BMAL1: variants seen among roughly 807,000 people sequenced by gnomAD.
BMAL1 encodes basic helix-loop-helix ARNT like 1, also known as basic helix-loop-helix ARNT-like protein 1.
At chr11:13,370,184 C>T in the BMAL1 span, among the ~76,000 whole-genome samples, 1 of 152,060 alleles carries the variant, frequency 6.6e-6, no homozygotes, top group Admixed American at 6.6e-5. Flanking sequence ...CATGAAACCA[C>T]ATTCTTCTTC....
At chr11:13,328,175 T>C in the BMAL1 span, among the ~76,000 whole-genome samples, 4 of 150,866 alleles carry the variant, frequency 2.7e-5, no homozygotes, top group African/African-American at 9.7e-5. Context: ...CTGGAGAGGC[T>C]TTTTTTTGGC....
the BMAL1 span, among the ~76,000 whole-genome samples, chr11:13,345,159 C>T: frequency 2.0e-5 from 3 of 152,230 alleles, no homozygotes; most frequent in South Asian, 2.1e-4. Context: ...TAACAGAGCT[C>T]CACCCAGCTG....
chr11:13,381,155 T>G, the BMAL1 span: 1 of 1,613,916 alleles, frequency 6.2e-7, no homozygotes, highest in South Asian at 1.1e-5. Flanking sequence ...TTCTCTTTTC[T>G]GACAGGATAA....
At chr11:13,363,012 C>T in the BMAL1 span, among the ~76,000 whole-genome samples, 3 of 151,072 alleles carry the variant, frequency 2.0e-5, no homozygotes, top group East Asian at 3.9e-4. Context: ...TTCAACAAAC[C>T]CTTTTGTGTA....
the BMAL1 span, among the ~76,000 whole-genome samples, chr11:13,367,706 G>GAAAAAAA: frequency 5.8e-5 from 5 of 86,168 alleles, no homozygotes; most frequent in Non-Finnish European, 8.7e-5. Flanking sequence ...CTCTGTCTCA[G>GAAAAAAA]AAAAAAAAAA....
the BMAL1 span, among the ~76,000 whole-genome samples, chr11:13,353,685 G>A: frequency 2.0e-5 from 3 of 152,126 alleles, no homozygotes; most frequent in Non-Finnish European, 2.9e-5. Context: ...AGGTGTGGTG[G>A]TGTATGCCTT....
the BMAL1 span, among the ~76,000 whole-genome samples, chr11:13,305,833 G>A: frequency 4.5e-4 from 69 of 152,268 alleles, no homozygotes; most frequent in African/African-American, 1.5e-3. Flanking sequence ...GAAATACAGT[G>A]GTTATTATCT....
At chr11:13,363,160 A>ATATATATATATG in the BMAL1 span, among the ~76,000 whole-genome samples, 1 of 144,066 alleles carries the variant, frequency 6.9e-6, no homozygotes, top group Non-Finnish European at 1.5e-5. Context: ...ATATATATAT[A>ATATATATATATG]TATATATGTA....
the BMAL1 span, among the ~76,000 whole-genome samples, chr11:13,340,503 G>T: frequency 6.6e-6 from 1 of 152,120 alleles, no homozygotes; most frequent in Non-Finnish European, 1.5e-5. Flanking sequence ...AAAACAAAGC[G>T]GTTGGACTCT....
chr11:13,357,004 A>G, the BMAL1 span: 13 of 1,613,168 alleles, frequency 8.1e-6, no homozygotes, highest in Non-Finnish European at 1.1e-5. The surrounding 1 kb of genome is among the most constrained non-coding windows in gnomAD (Gnocchi z 4.8). Flanking sequence ...TAACTTTGCC[A>G]TTCATCTCCA....
At chr11:13,297,514 G>T in the BMAL1 span, among the ~76,000 whole-genome samples, 2 of 152,250 alleles carry the variant, frequency 1.3e-5, no homozygotes, top group Non-Finnish European at 2.9e-5. Context: ...TCCGGTGCAG[G>T]GAGCAGTGCC....
the BMAL1 span, among the ~76,000 whole-genome samples, chr11:13,338,081 A>G: frequency 3.3e-5 from 5 of 152,234 alleles, no homozygotes; most frequent in Non-Finnish European, 5.9e-5. Context: ...TTTCTCAGAA[A>G]AATGACCTTG....
chr11:13,350,801 A>G, the BMAL1 span, among the ~76,000 whole-genome samples: 2 of 152,250 alleles, frequency 1.3e-5, no homozygotes, highest in Admixed American at 1.3e-4. Context: ...GGGTAAGAAA[A>G]GACTTAAAAC....
At chr11:13,331,804 C>T in the BMAL1 span, among the ~76,000 whole-genome samples, 1 of 152,094 alleles carries the variant, frequency 6.6e-6, no homozygotes, top group Non-Finnish European at 1.5e-5. Flanking sequence ...CCGGAGTGGG[C>T]TTTGGGGAGT....
At chr11:13,286,404 GC>G in the BMAL1 span, among the ~76,000 whole-genome samples, 1 of 152,192 alleles carries the variant, frequency 6.6e-6, no homozygotes, top group Non-Finnish European at 1.5e-5. Context: ...GCTGGGAGAG[GC>G]CTGGGCTCCA....
chr11:13,373,953 C>G, the BMAL1 span: 1 of 620,046 alleles, frequency 1.6e-6, no homozygotes, highest in Admixed American at 2.7e-5. Flanking sequence ...ACACAGTGAG[C>G]CCTCTGAAAA....
the BMAL1 span, among the ~76,000 whole-genome samples, chr11:13,378,061 C>T: frequency 6.6e-6 from 1 of 152,106 alleles, no homozygotes; most frequent in African/African-American, 2.4e-5. Flanking sequence ...CTGGCACATA[C>T]AGTGGTCTTC....
chr11:13,346,393 G>C, the BMAL1 span, among the ~76,000 whole-genome samples: 15 of 152,186 alleles, frequency 9.9e-5, no homozygotes, highest in African/African-American at 3.1e-4. Context: ...AGAGTCACTT[G>C]GTCTGAACTG....
chr11:13,346,127 C>G, the BMAL1 span, among the ~76,000 whole-genome samples: 5 of 152,198 alleles, frequency 3.3e-5, no homozygotes, highest in Non-Finnish European at 5.9e-5. Context: ...AAAGGAGGAG[C>G]CTCTATCCCA....
Sources: allele counts gnomAD v4.1 joint callset (sites outside exome capture counted in the v4.1 genomes callset), GRCh38; gene constraint gnomAD v4.1.1; non-coding constraint Gnocchi (gnomAD v3.1); transcripts MANE v1.5; gene names NCBI Gene and HGNC (gene_info 2026-07-23, HGNC 2026-07-21).